NIPBL: variants seen among roughly 807,000 people sequenced by gnomAD.
NIPBL encodes the protein nipped-B-like protein.
In NIPBL, 19 loss-of-function variants were observed where a neutral mutation model predicts 321.8. The ratio of observed to expected loss-of-function variants is 0.06; its 90% CI spans 0.04 to 0.09. NIPBL has a LOEUF of 0.09. Among genes scored for constraint, NIPBL ranks in the 10% least tolerant of loss-of-function variants. The pLI is 1.00. For missense variants in NIPBL, 2,210 were observed against 3,327.0 expected, an observed-to-expected ratio of 0.66 and a Z score of 8.26; for synonymous variants, 1,106 against 1,114.1, an observed-to-expected ratio of 0.99 and a Z score of 0.14.
intron 9 of NIPBL, among the ~76,000 whole-genome samples, chr5:36,977,451 A>G (rs1034056423): frequency 2.6e-5 from 4 of 151,906 alleles, no homozygotes; most frequent in African/African-American, 9.7e-5. Flanking sequence ...ATGATGGCTC[A>G]TTTTAATGTT....
At chr5:36,911,943 CT>C (rs563425184) in intron 1 of NIPBL, among the ~76,000 whole-genome samples, 93 of 152,210 alleles carry the variant, frequency 6.1e-4, no homozygotes, top group African/African-American at 2.0e-3. Context: ...AGAGTTTGAC[CT>C]TTTTCCGTAC....
chr5:36,910,023 C>T (rs960235194), intron 1 of NIPBL, among the ~76,000 whole-genome samples: 1 of 150,790 alleles, frequency 6.6e-6, no homozygotes, highest in African/African-American at 2.4e-5. Context: ...GTGCAGTGAG[C>T]GGAGATCACG....
At chr5:37,030,095 T>C (rs72736714) in intron 32 of NIPBL, among the ~76,000 whole-genome samples, 2,656 of 152,328 alleles carry the variant, frequency 0.017, 32 homozygotes, top group Middle Eastern at 0.044. Context: ...CTAAAAAGAA[T>C]CTACAATAAT....
At chr5:36,969,663 T>C (rs1742638108) in intron 6 of NIPBL, among the ~76,000 whole-genome samples, 1 of 152,184 alleles carries the variant, frequency 6.6e-6, no homozygotes. Flanking sequence ...CAGGAGGCTG[T>C]CTTTTTATGA....
chr5:36,981,721 A>G (rs1187292274), intron 9 of NIPBL, among the ~76,000 whole-genome samples: 1 of 151,670 alleles, frequency 6.6e-6, no homozygotes, highest in Non-Finnish European at 1.5e-5. Flanking sequence ...TGCCTATTTC[A>G]TCTTTTCCCA....
At chr5:36,947,819 G>T (rs1336697741) in intron 1 of NIPBL, among the ~76,000 whole-genome samples, 1 of 151,610 alleles carries the variant, frequency 6.6e-6, no homozygotes, top group Non-Finnish European at 1.5e-5. Context: ...GCATATACCC[G>T]ACCCCTAATC....
chr5:37,058,379 T>G (rs1308183484), intron 43 of NIPBL, among the ~76,000 whole-genome samples: 1 of 152,210 alleles, frequency 6.6e-6, no homozygotes, highest in African/African-American at 2.4e-5. Flanking sequence ...ACAAACTGCT[T>G]AAGTCCAGTT....
chr5:37,012,172 A>G (rs1457196898), intron 21 of NIPBL, among the ~76,000 whole-genome samples: 1 of 148,976 alleles, frequency 6.7e-6, no homozygotes, highest in Non-Finnish European at 1.5e-5. Context: ...TTTCTTTGAG[A>G]CAGGGTCTCA....
intron 9 of NIPBL, chr5:36,982,371 T>C (rs942617460): frequency 2.8e-5 from 5 of 178,072 alleles, no homozygotes; most frequent in Non-Finnish European, 5.4e-5. Flanking sequence ...AAGGAGTAAG[T>C]TCATGGTGGA....
chr5:36,901,542 T>C (rs1034527332), intron 1 of NIPBL, among the ~76,000 whole-genome samples: 1 of 138,570 alleles, frequency 7.2e-6, no homozygotes, highest in Non-Finnish European at 1.5e-5. Flanking sequence ...GGAGATTTGC[T>C]CTTGTTGCCC....
At chr5:36,911,334 G>A (rs1748033955) in intron 1 of NIPBL, among the ~76,000 whole-genome samples, 1 of 152,112 alleles carries the variant, frequency 6.6e-6, no homozygotes, top group South Asian at 2.1e-4. Context: ...AAATTAATTT[G>A]GAACAGTTAC....
At chr5:36,970,431 A>ATATG (rs57986204) in intron 6 of NIPBL, among the ~76,000 whole-genome samples, 1 of 148,164 alleles carries the variant, frequency 6.7e-6, no homozygotes, top group East Asian at 2.0e-4. Context: ...ATATATATAT[A>ATATG]AAATCTCAGT....
intron 24 of NIPBL, 26 bp downstream of exon 24, chr5:37,017,188 T>C (rs1430094663): frequency 6.3e-7 from 1 of 1,575,174 alleles, no homozygotes; most frequent in African/African-American, 1.3e-5. Flanking sequence ...ATTAAAATTA[T>C]GGGAATGAAT....
intron 1 of NIPBL, among the ~76,000 whole-genome samples, chr5:36,952,072 G>GCA (rs1554010280): frequency 1.8e-4 from 25 of 136,728 alleles, no homozygotes; most frequent in Non-Finnish European, 2.9e-4. Flanking sequence ...GCGCGCGCGC[G>GCA]CATGTGTGTG....
At chr5:36,987,749 A>G (rs1469473405) in intron 10 of NIPBL, among the ~76,000 whole-genome samples, 1 of 152,210 alleles carries the variant, frequency 6.6e-6, no homozygotes, top group Non-Finnish European at 1.5e-5. Flanking sequence ...AATTATGGCA[A>G]TTAGACTTAC....
intron 19 of NIPBL, 46 bp from the exon 20 acceptor site, chr5:37,008,577 G>A (rs1187785370): frequency 2.0e-6 from 2 of 1,009,802 alleles, no homozygotes; most frequent in African/African-American, 3.2e-5. Flanking sequence ...TTTTTGGTTT[G>A]TTTTCTATTA....
chr5:36,909,013 T>C (rs1297608049), intron 1 of NIPBL, among the ~76,000 whole-genome samples: 2 of 152,212 alleles, frequency 1.3e-5, no homozygotes, highest in Non-Finnish European at 2.9e-5. Flanking sequence ...TCTAGACTTC[T>C]TAAAACTGAA....
At chr5:36,916,036 C>T (rs931751229) in intron 1 of NIPBL, among the ~76,000 whole-genome samples, 1 of 152,166 alleles carries the variant, frequency 6.6e-6, no homozygotes, top group African/African-American at 2.4e-5. Flanking sequence ...CAACATCACT[C>T]ATTGGAAATG....
chr5:37,046,014 A>C (rs1752944784), intron 37 of NIPBL, 95 bp from the exon 38 acceptor site: 1 of 714,638 alleles, frequency 1.4e-6, no homozygotes, highest in Non-Finnish European at 2.5e-6. Context: ...AGTTCACACA[A>C]ATTCTCATTG....
Sources: allele counts gnomAD v4.1 joint callset (sites outside exome capture counted in the v4.1 genomes callset), GRCh38; gene constraint gnomAD v4.1.1; transcripts MANE v1.5; gene names NCBI Gene and HGNC (gene_info 2026-07-23, HGNC 2026-07-21).